Variants in CCSER1 observed in about 807,000 individuals in gnomAD.
The protein encoded by CCSER1 is serine-rich coiled-coil domain-containing protein 1.
Under a neutral mutation model 82.0 loss-of-function variants are expected in CCSER1, and 41 were observed. The observed-to-expected ratio is 0.50, with a 90% CI of 0.39 to 0.65. The LOEUF (loss-of-function observed/expected upper bound fraction) is 0.65. Among genes scored for constraint, CCSER1 ranks in the 30% least tolerant of loss-of-function variants. The probability of loss-of-function intolerance (pLI) is 0.00; values close to 1 mark genes in which losing one functional copy is unlikely to be tolerated. For synonymous variants in CCSER1, 414 were observed against 383.9 expected (o/e 1.08, Z -0.92); for missense variants, 1,119 against 1,064.2 (o/e 1.05, Z -0.72).
At chr4:90,465,344 G>T (rs1260210640) in intron 4 of CCSER1, among the ~76,000 whole-genome samples, 3 of 137,734 alleles carry the variant, frequency 2.2e-5, no homozygotes, top group Admixed American at 7.5e-5. Context: ...TTTTTGAGGT[G>T]CAGTCTTGCT....
At chr4:90,649,076 G>T (rs1728245426) in intron 6 of CCSER1, among the ~76,000 whole-genome samples, 1 of 152,186 alleles carries the variant, frequency 6.6e-6, no homozygotes, top group Non-Finnish European at 1.5e-5. Context: ...CTATTAAAAT[G>T]GCCAAGAGGT....
intron 10 of CCSER1, among the ~76,000 whole-genome samples, chr4:91,461,732 T>G (rs959271220): frequency 2.6e-5 from 4 of 152,184 alleles, no homozygotes; most frequent in Non-Finnish European, 5.9e-5. Context: ...TTAGTTTGTT[T>G]ATTCCTGGGT....
At chr4:91,445,603 C>A (rs73835201) in intron 10 of CCSER1, among the ~76,000 whole-genome samples, 90 of 152,136 alleles carry the variant, frequency 5.9e-4, no homozygotes, top group African/African-American at 2.0e-3. Context: ...CACTTTCTCA[C>A]CCCCACCATT....
intron 4 of CCSER1, among the ~76,000 whole-genome samples, chr4:90,408,225 A>G (rs1042253000): frequency 6.6e-6 from 1 of 152,184 alleles, no homozygotes; most frequent in Non-Finnish European, 1.5e-5. Flanking sequence ...CAGACAAACA[A>G]AAGACAGCAA....
At chr4:91,508,995 C>G (rs1276051273) in intron 10 of CCSER1, among the ~76,000 whole-genome samples, 1 of 150,228 alleles carries the variant, frequency 6.7e-6, no homozygotes, top group Non-Finnish European at 1.5e-5. Context: ...TCTTTCTAGT[C>G]ATTCTAGCTA....
At position 90,616,720 on chromosome 4, in the gene CCSER1, CACACACACACACACACACAAATA is replaced by C. The variant is rs780065516; in HGVS notation, c.1725-11303_1725-11281del. On this transcript the variant is annotated intron_variant, in intron 5 of 10. Coordinates refer to ENST00000509176, the MANE Select transcript of CCSER1 (RefSeq NM_001145065.2). ...ACACACACACACACACACACACACA[CACACACACACACACACACAAATA>C]AAATAAAATAAAAGGGAGAGAGAGA... Among the ~76,000 whole-genome samples the C allele has an allele frequency of 9.0e-3, 1,080 of 120,304 alleles. 12 individuals are homozygous for C. The highest frequency in any genetic ancestry group is 0.013 in the Non-Finnish European group (781 of 59,368). The allele number at this position is 120,304 out of a possible 152,430, so 78.9% of individuals were successfully genotyped here. A position where few individuals can be genotyped will look rare whatever the true frequency, so the allele number is the denominator to read the frequency against.
chr4:91,303,072 G>T (rs553666480), intron 10 of CCSER1, among the ~76,000 whole-genome samples: 1 of 152,018 alleles, frequency 6.6e-6, no homozygotes, highest in East Asian at 1.9e-4. Flanking sequence ...CAATAAAAAA[G>T]TTTGAAGTAA....
intron 1 of CCSER1, among the ~76,000 whole-genome samples, chr4:90,298,269 G>T (rs1216840652): frequency 1.2e-4 from 19 of 152,108 alleles, no homozygotes; most frequent in Admixed American, 1.2e-3. Flanking sequence ...AGATTTTCTA[G>T]TTTATTTATG....
intron 9 of CCSER1, among the ~76,000 whole-genome samples, chr4:91,069,571 T>G (rs1011514546): frequency 6.6e-5 from 10 of 152,230 alleles, no homozygotes; most frequent in African/African-American, 2.4e-4. Context: ...CATACTGTCA[T>G]GGACTTTACG....
chr4:90,416,458 T>C (rs529813229), intron 4 of CCSER1, among the ~76,000 whole-genome samples: 54 of 152,288 alleles, frequency 3.5e-4, no homozygotes, highest in African/African-American at 1.2e-3. Flanking sequence ...TTTCAACAAA[T>C]GATATTTCTG....
At chr4:90,728,395 A>G (rs1342593630) in intron 7 of CCSER1, among the ~76,000 whole-genome samples, 2 of 152,168 alleles carry the variant, frequency 1.3e-5, no homozygotes, top group East Asian at 3.9e-4. Context: ...AAGAACAAGA[A>G]AAAACTCTTT....
chr4:91,565,687 A>G (rs1207984301), intron 10 of CCSER1, among the ~76,000 whole-genome samples: 1 of 151,870 alleles, frequency 6.6e-6, no homozygotes, highest in East Asian at 1.9e-4. Flanking sequence ...CCTTTCTGAT[A>G]TGGCTCTCAG....
intron 8 of CCSER1, among the ~76,000 whole-genome samples, chr4:90,904,337 TTTTC>T (rs1288120523): frequency 6.6e-6 from 1 of 152,188 alleles, no homozygotes; most frequent in Admixed American, 6.5e-5. Context: ...TTGCTTCCTG[TTTTC>T]TTTCTTTTTC....
intron 7 of CCSER1, chr4:90,780,631 C>A: frequency 7.2e-7 from 1 of 1,383,226 alleles, no homozygotes; most frequent in Admixed American, 3.3e-5. Context: ...TTTTCTATAT[C>A]ATTATATTCA....
chr4:91,090,916 G>A (rs1209331345), intron 10 of CCSER1, among the ~76,000 whole-genome samples: 1 of 152,086 alleles, frequency 6.6e-6, no homozygotes, highest in Non-Finnish European at 1.5e-5. Context: ...CTCCATTTTG[G>A]GTCCAAGGGG....
intron 10 of CCSER1, among the ~76,000 whole-genome samples, chr4:91,299,704 T>C (rs1303318633): frequency 6.6e-6 from 1 of 151,826 alleles, no homozygotes; most frequent in Non-Finnish European, 1.5e-5. Context: ...TTTATATGCA[T>C]GTGCAAAATT....
rs1461980568 is a variant in CCSER1 at position 90,309,564 on chromosome 4, T to A, written c.1280T>A (p.Ile427Asn). 6.2e-7 allele frequency: 1 copy of A among 1,604,768 alleles called. No homozygotes were observed. Among genetic ancestry groups the A allele is most frequent in the East Asian group, 2.2e-5 (1 of 44,826 alleles). ...ATACCTACTTCTGGTGATCATCATATTTTTAACAAAACATCACATGGATAT... is the reference window on the plus strand; with the variant it reads ...ATACCTACTTCTGGTGATCATCATAATTTTAACAAAACATCACATGGATAT... ...KIIPTSGDHH[I>N]FNKTSHGYEA... The change falls in exon 2 of 11, where the codon ATT becomes AAT. Residue 427 changes from isoleucine to asparagine, a missense_variant. Physicochemically the swap from Ile to Asn is moderately radical, Grantham distance 149 (BLOSUM62 -3). Transcript: ENST00000509176.
chr4:91,537,584 C>T (rs752007647), intron 10 of CCSER1, among the ~76,000 whole-genome samples: 21 of 151,668 alleles, frequency 1.4e-4, no homozygotes, highest in Non-Finnish European at 2.1e-4. Context: ...TGTATTGGTT[C>T]GAGAAGTCAT....
intron 9 of CCSER1, among the ~76,000 whole-genome samples, chr4:91,008,368 A>T (rs939786648): frequency 6.6e-6 from 1 of 152,110 alleles, no homozygotes; most frequent in African/African-American, 2.4e-5. Context: ...TTTGCTTTAT[A>T]TATTTAGGTG....
Sources: gnomAD v4.1 joint callset for allele counts (sites outside exome capture counted in the v4.1 genomes callset) on GRCh38, gnomAD v4.1.1 for gene constraint, MANE v1.5 for transcripts, NCBI Gene and HGNC (gene_info 2026-07-23, HGNC 2026-07-21) for gene names.